Variants in PTPRS observed in about 807,000 individuals in gnomAD.
PTPRS encodes the protein protein tyrosine phosphatase receptor type S.
Under a neutral mutation model 215.3 loss-of-function variants are expected in PTPRS, and 63 were observed. That is an observed-to-expected ratio of 0.29 (90% confidence interval 0.24 to 0.36). The LOEUF is 0.36. PTPRS is among the 10% of genes least tolerant of loss of function. The pLI, the probability that PTPRS is intolerant of heterozygous loss-of-function variation, is 1.00. For missense variants in PTPRS, 2,258 were observed against 2,825.8 expected (o/e 0.80, Z 4.56); for synonymous variants, 1,404 against 1,191.4 (o/e 1.18, Z -3.68).
At position 5,237,543 on chromosome 19, in the gene PTPRS, C is replaced by T. The variant is rs1253806526; in HGVS notation, c.1849+1376G>A. 1.3e-5 allele frequency among the ~76,000 whole-genome samples: 2 copies of T among 152,156 alleles called. No homozygotes were observed. The highest frequency in any genetic ancestry group is 4.8e-5 in the African/African-American group (2 of 41,432). On this transcript the variant is annotated intron_variant, in intron 13 of 37. Coordinates refer to ENST00000262963, the MANE Select transcript of PTPRS (RefSeq NM_002850.4). This position sits in a 1 kb window ranked among gnomAD's most constrained non-coding sequence, Gnocchi z 4.2. ...GACGTGGATGTGCGTGCGTGGGCAG[C>T]GTGGCATGGTGGTGGCACGTGGTTT... is the stretch of plus-strand genomic sequence containing the variant.
rs781762492 is a variant in PTPRS, at chr19:5,229,306, C to T, written c.2376+10G>A. The T allele has an allele frequency of 2.9e-6, 4 of 1,381,080 alleles. No individual in the cohort carries two copies. The highest frequency in any genetic ancestry group is 2.8e-5 in the East Asian group (1 of 35,840). The allele number at this position is 1,381,080 out of a possible 1,614,324, so 85.6% of individuals were successfully genotyped here. A position where few individuals can be genotyped will look rare whatever the true frequency, so the allele number is the denominator to read the frequency against. On this transcript the variant is annotated intron_variant, in intron 16 of 37. Coordinates refer to ENST00000262963, the MANE Select transcript of PTPRS (RefSeq NM_002850.4). ...ACAGCAGTAGGTGGGTGGCCAGGGG[C>T]GCTACTTACATATTCGGCCGTGTCA...
chr19:5,322,500 G>A (rs2050051564), intron 1 of PTPRS, among the ~76,000 whole-genome samples: 1 of 152,088 alleles, frequency 6.6e-6, no homozygotes. Context: ...AGCCCGCCCC[G>A]ACTGGCCGAC....
At chr19:5,246,772 T>G (rs1284382843) in intron 9 of PTPRS, among the ~76,000 whole-genome samples, 1 of 152,180 alleles carries the variant, frequency 6.6e-6, no homozygotes, top group Non-Finnish European at 1.5e-5. Flanking sequence ...GAAACTCTAA[T>G]GAAATTTTTG....
At chr19:5,325,191 C>G (rs1253242663) in intron 1 of PTPRS, among the ~76,000 whole-genome samples, 1 of 152,222 alleles carries the variant, frequency 6.6e-6, no homozygotes, top group East Asian at 1.9e-4. Flanking sequence ...TCTCCATATT[C>G]CAGCTGACAG....
rs1014303618 is a variant in PTPRS, at chr19:5,223,054, A to G, written c.2738T>C (p.Leu913Pro). The change falls in exon 18 of 38, where the codon CTG (leucine) becomes CCG (proline). Residue 913 changes from leucine (L) to proline (P), a missense_variant. Physicochemically the swap from Leu to Pro is moderately conservative, Grantham distance 98. Transcript: ENST00000262963. Reference sequence around the variant, plus strand: ...CAGGACCTCGGCTGCCTCCTCGCCCAGGCCGCCGCGGCTCCGGGCCGCAAG... The same window carrying G: ...CAGGACCTCGGCTGCCTCCTCGCCCGGGCCGCCGCGGCTCCGGGCCGCAAG... ...FRLAARSRGG[L>P]GEEAAEVLSI... 4 of 1,549,980 alleles carry G rather than the reference A, an allele frequency of 2.6e-6. No homozygotes were observed. The highest frequency in any genetic ancestry group is 2.7e-5 in the African/African-American group (2 of 72,986).
At chr19:5,269,001 T>C (rs1344237102) in intron 4 of PTPRS, among the ~76,000 whole-genome samples, 8 of 152,142 alleles carry the variant, frequency 5.3e-5, no homozygotes, top group Non-Finnish European at 1.2e-4. Flanking sequence ...TCTGATTGGC[T>C]ACTGATGACA....
rs147535521 is a variant in PTPRS at position 5,335,216 on chromosome 19, G to A, written c.-95+5448C>T. Among the ~76,000 whole-genome samples, 56 of 152,322 alleles carry A rather than the reference G, an allele frequency of 3.7e-4. 1 individual carries two copies. The highest frequency in any genetic ancestry group is 1.1e-3 in the African/African-American group (46 of 41,566). On this transcript the variant is annotated intron_variant, in intron 1 of 37. Coordinates refer to ENST00000262963, the MANE Select transcript of PTPRS (RefSeq NM_002850.4). Reference sequence around the variant, plus strand: ...GATACCCCTCTGGGTGTCCAGGAGCGGAAGGAAGGATGCATGCGACTGACT... The same window carrying A: ...GATACCCCTCTGGGTGTCCAGGAGCAGAAGGAAGGATGCATGCGACTGACT...
At chr19:5,261,330 G>A (rs141574455) in intron 6 of PTPRS, among the ~76,000 whole-genome samples, 50 of 152,296 alleles carry the variant, frequency 3.3e-4, no homozygotes, top group African/African-American at 1.2e-3. Flanking sequence ...TAGTGCCCCA[G>A]TGCCGGGCAT....
chr19:5,226,218 G>A (rs1052385315), intron 16 of PTPRS, among the ~76,000 whole-genome samples: 3 of 152,136 alleles, frequency 2.0e-5, no homozygotes, highest in Non-Finnish European at 4.4e-5. Context: ...CCTCTCTTGG[G>A]GTCAAAGCCC....
Position 5,224,483 on chromosome 19 carries a change from G to A in PTPRS, c.2495-1186C>T, listed in dbSNP as rs1446341996. On this transcript the variant is annotated intron_variant, in intron 17 of 37. Coordinates refer to ENST00000262963, the MANE Select transcript of PTPRS (RefSeq NM_002850.4). Reference sequence around the variant, plus strand: ...ATAAAGAAATCCAAAATCCGCCCCTGCTCTTTGTTTCGCACAGCCTGGGTA... The same window carrying A: ...ATAAAGAAATCCAAAATCCGCCCCTACTCTTTGTTTCGCACAGCCTGGGTA... Among the ~76,000 whole-genome samples the A allele has an allele frequency of 2.6e-5, 4 of 152,208 alleles. No individual in the cohort carries two copies. The East Asian group carries it at 7.7e-4, about 29-fold the overall frequency.
At chr19:5,271,955 A>C (rs1412268585) in intron 4 of PTPRS, among the ~76,000 whole-genome samples, 1 of 149,928 alleles carries the variant, frequency 6.7e-6, no homozygotes, top group Non-Finnish European at 1.5e-5. Flanking sequence ...GAACTCCTTG[A>C]CCTCAGGTGA....
chr19:5,303,253 T>C (rs2049361029), intron 1 of PTPRS, among the ~76,000 whole-genome samples: 1 of 152,086 alleles, frequency 6.6e-6, no homozygotes. Flanking sequence ...CCGGGGCTGA[T>C]TTTTGTGGGT....
intron 10 of PTPRS, 82 bp downstream of exon 10, chr19:5,245,694 A>G (rs994471259): frequency 6.7e-7 from 1 of 1,488,506 alleles, no homozygotes; most frequent in Non-Finnish European, 8.9e-7. Context: ...AGGTGCTCCC[A>G]CGCTGCCTCC....
chr19:5,331,931 T>C (rs2050339899), intron 1 of PTPRS, among the ~76,000 whole-genome samples: 2 of 152,168 alleles, frequency 1.3e-5, no homozygotes, highest in Admixed American at 6.5e-5. Context: ...CACTGGTGCC[T>C]CTAAAGAACC....
In PTPRS at chr19:5,220,029, C is replaced by T. The variant is rs779435853; in HGVS notation, c.3675G>A (p.Gln1225=). 1.9e-6 allele frequency: 3 copies of T among 1,613,982 alleles called. No homozygotes were observed. In the African/African-American group the frequency reaches 4.0e-5, roughly 22 times the overall value. Residue 1225 remains glutamine, a synonymous_variant, in exon 22 of 38, where the codon CAG becomes CAA. Transcript: ENST00000262963. ...VLPPTFHPGD[Q]KQYGGFDNRG... is the part of the protein sequence containing the mutation. ...GGTTATCGAAGCCGCCATACTGCTTCTGGTCGCCGGGATGGAACGTGGGTG... is the reference window on the plus strand; with the variant it reads ...GGTTATCGAAGCCGCCATACTGCTTTTGGTCGCCGGGATGGAACGTGGGTG...
intron 1 of PTPRS, among the ~76,000 whole-genome samples, chr19:5,291,841 G>A (rs1377183638): frequency 6.6e-6 from 1 of 151,892 alleles, no homozygotes; most frequent in East Asian, 1.9e-4. Flanking sequence ...CTCCAGAGCT[G>A]CCAGCCCGGC....
rs748315148 is a variant in PTPRS, at chr19:5,222,843, C to A, written c.2949G>T (p.Leu983=). The A allele has an allele frequency of 1.3e-6, 2 of 1,593,864 alleles. No individual in the cohort carries two copies. The highest frequency in any genetic ancestry group is 2.2e-5 in the East Asian group (1 of 44,522). ...GALGPARETE[L]PAAAEPGAEN... ...CCGCGCCCGGCTCAGCCGCTGCCGGCAGCTCAGTCTCTCGGGCAGGGCCCA... is the reference window on the plus strand; with the variant it reads ...CCGCGCCCGGCTCAGCCGCTGCCGGAAGCTCAGTCTCTCGGGCAGGGCCCA... Residue 983 remains leucine, a synonymous_variant, in exon 18 of 38, where the codon CTG becomes CTT. Transcript: ENST00000262963.
Position 5,206,243 on chromosome 19 carries a change from T to C in PTPRS, c.*531A>G, listed in dbSNP as rs62113236. 9 of 223,870 alleles carry C rather than the reference T, an allele frequency of 4.0e-5. No homozygotes were observed. The highest frequency in any genetic ancestry group is 2.1e-4 in the African/African-American group (9 of 43,476). The allele number at this position is 223,870 out of a possible 1,614,324, so 13.9% of individuals were successfully genotyped here. A position where few individuals can be genotyped will look rare whatever the true frequency, so the allele number is the denominator to read the frequency against. On this transcript the variant is annotated 3_prime_UTR_variant, in exon 38 of 38. Transcript: ENST00000262963. Reference sequence around the variant, plus strand: ...CATTGACTGGCGAGTCTTTTGTTTGTTTCTCTTAAAAAAAAAAATGGAAAA... The same window carrying C: ...CATTGACTGGCGAGTCTTTTGTTTGCTTCTCTTAAAAAAAAAAATGGAAAA...
chr19:5,215,484 G>A lies in PTPRS; in HGVS notation c.4194+14C>T, dbSNP rs745584054. The A allele has an allele frequency of 1.5e-5, 24 of 1,607,338 alleles. No homozygotes were observed. The highest frequency in any genetic ancestry group is 3.3e-5 in the Admixed American group (2 of 59,886). Reference sequence around the variant, plus strand: ...GGCCGAGGTGATGAGGGTGGGAGGCGGGGGTGGGCTCACCTCATACTCCTG... The same window carrying A: ...GGCCGAGGTGATGAGGGTGGGAGGCAGGGGTGGGCTCACCTCATACTCCTG... On this transcript the variant is annotated intron_variant, in intron 27 of 37. Coordinates refer to ENST00000262963, the MANE Select transcript of PTPRS (RefSeq NM_002850.4).
Sources: allele counts gnomAD v4.1 joint callset (sites outside exome capture counted in the v4.1 genomes callset), GRCh38; gene constraint gnomAD v4.1.1; non-coding constraint Gnocchi (gnomAD v3.1); transcripts MANE v1.5; gene names NCBI Gene and HGNC (gene_info 2026-07-23, HGNC 2026-07-21).